CEP290: variants seen among roughly 807,000 people sequenced by gnomAD.
CEP290 encodes the protein centrosomal protein 290.
CEP290 carries 317 observed loss-of-function variants against 344.9 expected under a neutral mutation model. That is an observed-to-expected ratio of 0.92 (90% CI 0.84 to 1.01). CEP290 has a LOEUF of 1.01. Ranked by LOEUF, CEP290 falls within the 50% of genes least tolerant of loss-of-function variation. The pLI is 0.00. For synonymous variants in CEP290, 932 were observed against 895.8 expected (o/e 1.04, Z -0.72); for missense variants, 2,754 against 2,761.4 (o/e 1.00, Z 0.06).
chr12:88,105,503 A>T (rs943916462), intron 25 of CEP290, among the ~76,000 whole-genome samples: 2 of 152,216 alleles, frequency 1.3e-5, no homozygotes, highest in Non-Finnish European at 2.9e-5. Context: ...GCTAATGAGG[A>T]AACGCTATTT....
rs569243156 is a variant in CEP290, at chr12:88,127,925, T to G, written c.942+1021A>C. On this transcript the variant is annotated intron_variant, in intron 11 of 53. Coordinates refer to ENST00000552810, the MANE Select transcript of CEP290 (RefSeq NM_025114.4). Reference sequence around the variant, plus strand: ...ATATAAAATAATTATGAAATGGTATTAAGTCAAAACAAAGTACAGAATACA... The same window carrying G: ...ATATAAAATAATTATGAAATGGTATGAAGTCAAAACAAAGTACAGAATACA... Among the ~76,000 whole-genome samples, 5 of 152,270 alleles carry G rather than the reference T, an allele frequency of 3.3e-5. No individual in the cohort carries two copies. The South Asian group carries it at 1.0e-3, about 32-fold the overall frequency.
chr12:88,085,027 G>A (rs1318730764), intron 34 of CEP290, among the ~76,000 whole-genome samples, 175 bp from the exon 35 acceptor site: 1 of 152,058 alleles, frequency 6.6e-6, no homozygotes, highest in African/African-American at 2.4e-5. Flanking sequence ...ATTGACAGCA[G>A]TTATTTGCAT....
rs376642009 is a variant in CEP290, at chr12:88,056,792, A to T, written c.6819-1075T>A. 2.4e-4 allele frequency among the ~76,000 whole-genome samples: 37 copies of T among 152,342 alleles called. No individual in the cohort carries two copies. In the East Asian group the frequency reaches 2.7e-3, roughly 11 times the overall value. On this transcript the variant is annotated intron_variant, in intron 49 of 53. Transcript: ENST00000552810. Reference sequence around the variant, plus strand: ...TGTCAGCATGAGCAAGACCTGTGTCATGGGTCCCAAAAGAGATCTCTCTAA... The same window carrying T: ...TGTCAGCATGAGCAAGACCTGTGTCTTGGGTCCCAAAAGAGATCTCTCTAA...
intron 10 of CEP290, 59 bp from the exon 11 acceptor site, chr12:88,129,094 T>G: frequency 1.1e-6 from 1 of 902,114 alleles, no homozygotes; most frequent in Non-Finnish European, 1.6e-6. Flanking sequence ...TATTTACACC[T>G]GTGCATATTT....
intron 35 of CEP290, 22 bp from the exon 36 acceptor site, chr12:88,083,976 C>T (rs772688346): frequency 2.1e-6 from 3 of 1,412,938 alleles, no homozygotes; most frequent in Non-Finnish European, 2.9e-6. Context: ...AAAATCGAAA[C>T]TATATCTTAA....
intron 15 of CEP290, among the ~76,000 whole-genome samples, chr12:88,119,497 A>G (rs575716620): frequency 4.6e-5 from 7 of 152,290 alleles, no homozygotes; most frequent in South Asian, 4.1e-4. Flanking sequence ...GTACTTAAAA[A>G]TCTTTAAAAG....
At chr12:88,083,437 C>A (rs1410438266) in intron 36 of CEP290, among the ~76,000 whole-genome samples, 1 of 152,156 alleles carries the variant, frequency 6.6e-6, no homozygotes, top group African/African-American at 2.4e-5. Context: ...CTGCACGTAG[C>A]AGGAGATCAA....
intron 6 of CEP290, among the ~76,000 whole-genome samples, chr12:88,134,196 C>G (rs922833621): frequency 1.3e-5 from 2 of 152,154 alleles, no homozygotes. Context: ...TCTTGTGTTC[C>G]TCCTTAATGA....
chr12:88,136,861 T>C (rs1041722889), intron 5 of CEP290, 75 bp from the exon 6 acceptor site: 1 of 1,283,492 alleles, frequency 7.8e-7, no homozygotes, highest in East Asian at 2.4e-5. Flanking sequence ...AACAAGCAAA[T>C]AATTATGCTG....
chr12:88,087,591 G>A (rs981131748), intron 32 of CEP290, among the ~76,000 whole-genome samples, 189 bp downstream of exon 32: 16 of 151,406 alleles, frequency 1.1e-4, no homozygotes, highest in African/African-American at 1.9e-4. Flanking sequence ...ACGGTGGCGG[G>A]TGCCTGTAGT....
chr12:88,107,143 A>C, intron 23 of CEP290, 45 bp from the exon 24 acceptor site: 1 of 1,171,424 alleles, frequency 8.5e-7, no homozygotes, highest in Non-Finnish European at 1.2e-6. Context: ...AAACCTAATA[A>C]AATGTTTATA....
rs2033740549 is a variant in CEP290, at chr12:88,053,568, A to C, written c.7129+84T>G. On this transcript the variant is annotated intron_variant, in intron 52 of 53. Coordinates refer to ENST00000552810, the MANE Select transcript of CEP290 (RefSeq NM_025114.4). ...GATTTTACAGGGAGACAATGATCAG[A>C]AATCTGAGCCAAAAAAAAAAAAAAA... is the stretch of plus-strand genomic sequence containing the variant. The C allele has an allele frequency of 7.5e-6, 5 of 670,512 alleles. No homozygotes were observed. The Admixed American group carries it at 9.4e-5, about 13-fold the overall frequency. 41.5% of individuals were successfully genotyped at this position (670,512 alleles called of 1,614,324 possible).
intron 23 of CEP290, among the ~76,000 whole-genome samples, chr12:88,107,975 A>G (rs2038410436): frequency 6.6e-6 from 1 of 151,822 alleles, no homozygotes; most frequent in African/African-American, 2.4e-5. Context: ...CACAGTATAT[A>G]CATATATAGA....
At chr12:88,077,178 T>C (rs377682553) in intron 41 of CEP290, 44 bp downstream of exon 41, 8 of 1,562,238 alleles carry the variant, frequency 5.1e-6, no homozygotes, top group Non-Finnish European at 4.3e-6. Context: ...TAACTTACTC[T>C]GTCACTACCT....
intron 11 of CEP290, among the ~76,000 whole-genome samples, chr12:88,126,774 G>T (rs997979269): frequency 6.6e-6 from 1 of 152,086 alleles, no homozygotes; most frequent in South Asian, 2.1e-4. Context: ...TATGAAGTAT[G>T]CATTAAAATG....
chr12:88,126,438 G>A lies in CEP290; in HGVS notation c.943C>T (p.Leu315=). The A allele has an allele frequency of 6.7e-7, 1 of 1,485,884 alleles. No individual in the cohort carries two copies. The highest frequency in any genetic ancestry group is 9.0e-7 in the Non-Finnish European group (1 of 1,115,524). The allele number at this position is 1,485,884 out of a possible 1,614,324, so 92.0% of individuals were successfully genotyped here. The change falls in exon 12 of 54, where the codon CTA becomes TTA. Residue 315 remains leucine (L), a splice_region_variant and synonymous_variant. Transcript: ENST00000552810. The stretch of plus-strand genomic sequence containing the variant: ...TCATCATCTTTAGAAGACAAAATTA[G>A]CTAGAAATAAACACAATAGAATCTG... ...AVNAKVEEWK[L]ILSSKDDEII...
rs780813407 is a variant in CEP290 at position 88,049,364 on chromosome 12, A to AAAT, written c.7257_7259dup (p.Ser2419_Phe2420insLeu). On this transcript the variant is annotated inframe_insertion, in exon 54 of 54. Transcript: ENST00000552810. ...ACTTAAGATCTTCAATTTCTTCAAA[A>AAAT]AATGAAGGATCAAAATTTTCCAGTT... The AAAT allele has an allele frequency of 2.6e-6, 4 of 1,565,436 alleles. No individual in the cohort carries two copies. The highest frequency in any genetic ancestry group is 3.5e-5 in the Admixed American group (2 of 56,568).
Position 88,054,270 on chromosome 12 carries a change from G to C in CEP290, c.7034+70C>G, listed in dbSNP as rs2033815480. 3 of 961,912 alleles carry C rather than the reference G, an allele frequency of 3.1e-6. No homozygotes were observed. The African/African-American group carries it at 5.1e-5, about 16-fold the overall frequency. The allele number at this position is 961,912 out of a possible 1,614,324, so 59.6% of individuals were successfully genotyped here. ...GCTTGTCTCTAGTTGTAGCAATTCG[G>C]AGTATATAAAAACTAATAATTTTTT... On this transcript the variant is annotated intron_variant, in intron 51 of 53. Coordinates refer to ENST00000552810, the MANE Select transcript of CEP290 (RefSeq NM_025114.4).
intron 2 of CEP290, 35 bp downstream of exon 2, chr12:88,141,171 A>C: frequency 7.3e-7 from 1 of 1,370,426 alleles, no homozygotes; most frequent in Non-Finnish European, 9.9e-7. Context: ...TCATAAGTTA[A>C]TGTATATATC....
Sources: allele counts gnomAD v4.1 joint callset (sites outside exome capture counted in the v4.1 genomes callset), GRCh38; gene constraint gnomAD v4.1.1; transcripts MANE v1.5; gene names NCBI Gene and HGNC (gene_info 2026-07-23, HGNC 2026-07-21).